The following NTRK3 variants were observed in gnomAD, a reference collection of about 807,000 sequenced individuals.
NTRK3 encodes the protein NT-3 growth factor receptor.
A neutral mutation model predicts 91.7 loss-of-function variants in NTRK3; 24 were observed. The observed-to-expected ratio is 0.26, with a 90% CI of 0.19 to 0.37. The LOEUF (loss-of-function observed/expected upper bound fraction) is 0.37. Among genes scored for constraint, NTRK3 ranks in the 10% least tolerant of loss-of-function variants. The pLI, the probability that NTRK3 is intolerant of heterozygous loss-of-function variation, is 1.00. For missense variants in NTRK3, 880 were observed against 1,068.9 expected (o/e 0.82, Z 2.46); for synonymous variants, 483 against 404.0 (o/e 1.20, Z -2.34).
intron 14 of NTRK3, among the ~76,000 whole-genome samples, chr15:88,011,607 T>C (rs566210786): frequency 2.6e-5 from 4 of 152,286 alleles, no homozygotes; most frequent in Admixed American, 1.3e-4. Context: ...GGTCTATCCC[T>C]GAAAAGAAGC....
intron 5 of NTRK3, among the ~76,000 whole-genome samples, chr15:88,168,556 CT>C (rs1454331846): frequency 6.6e-6 from 1 of 152,244 alleles, no homozygotes; most frequent in Non-Finnish European, 1.5e-5. Flanking sequence ...CACGGTTGCT[CT>C]TTGCAAACAC....
rs80075444 is a variant in NTRK3, at chr15:88,116,438, T to A, written c.1396+9833A>T. On this transcript the variant is annotated intron_variant, in intron 13 of 18. Transcript: ENST00000394480. Reference sequence around the variant, plus strand: ...CGTATCTACTAAAAGTACAAAAATTTAAAAAAAAAAAAATGGTGGTTATAG... The same window carrying A: ...CGTATCTACTAAAAGTACAAAAATTAAAAAAAAAAAAAATGGTGGTTATAG... 7.9e-3 allele frequency among the ~76,000 whole-genome samples: 964 copies of A among 121,456 alleles called. 6 individuals carry two copies. The highest frequency in any genetic ancestry group is 0.022 in the African/African-American group (779 of 35,142). 79.7% of individuals were successfully genotyped at this position (121,456 alleles called of 152,430 possible).
intron 17 of NTRK3, among the ~76,000 whole-genome samples, chr15:87,909,718 G>A (rs2066976004): frequency 6.6e-6 from 1 of 152,180 alleles, no homozygotes; most frequent in South Asian, 2.1e-4. Flanking sequence ...CCTTAAATGA[G>A]GTAACTAAGG....
chr15:87,914,342 G>C (rs968451705), intron 17 of NTRK3, among the ~76,000 whole-genome samples: 2 of 152,040 alleles, frequency 1.3e-5, no homozygotes, highest in Non-Finnish European at 2.9e-5. Context: ...CAGATGTCAG[G>C]GCCATTGGCA....
At chr15:88,204,612 C>G (rs1181022001) in intron 3 of NTRK3, among the ~76,000 whole-genome samples, 1 of 152,124 alleles carries the variant, frequency 6.6e-6, no homozygotes, top group Non-Finnish European at 1.5e-5. Context: ...TCAGAAAGGC[C>G]CTTTCCTTTG....
chr15:88,104,323 T>C (rs3784419), intron 13 of NTRK3, among the ~76,000 whole-genome samples: 4,339 of 152,294 alleles, frequency 0.028, 173 homozygotes, highest in East Asian at 0.11. Context: ...ATTTATCAGC[T>C]TCCTTTTGAA....
intron 14 of NTRK3, among the ~76,000 whole-genome samples, chr15:87,970,990 T>C (rs2073209771): frequency 6.6e-6 from 1 of 152,224 alleles, no homozygotes; most frequent in Admixed American, 6.5e-5. Flanking sequence ...ACAGTGGGGT[T>C]ATTCTGGTCT....
chr15:88,017,250 G>A (rs2077297057), intron 14 of NTRK3, among the ~76,000 whole-genome samples: 1 of 152,126 alleles, frequency 6.6e-6, no homozygotes, highest in Admixed American at 6.6e-5. Flanking sequence ...AGTTAACTTG[G>A]CATTCACCAA....
intron 6 of NTRK3, among the ~76,000 whole-genome samples, chr15:88,140,417 A>G (rs1433998413): frequency 6.6e-6 from 1 of 152,244 alleles, no homozygotes; most frequent in Non-Finnish European, 1.5e-5. Flanking sequence ...ACATGCACCC[A>G]GATGGGGCAT....
At chr15:87,932,046 G>A (rs1467369929) in intron 16 of NTRK3, among the ~76,000 whole-genome samples, 1 of 152,186 alleles carries the variant, frequency 6.6e-6, no homozygotes, top group African/African-American at 2.4e-5. Context: ...CCACATCTGG[G>A]CACTGTTTGG....
intron 3 of NTRK3, among the ~76,000 whole-genome samples, chr15:88,193,585 T>C (rs1227227396): frequency 1.3e-5 from 2 of 152,178 alleles, no homozygotes; most frequent in Non-Finnish European, 2.9e-5. Flanking sequence ...CAGGAGGCTG[T>C]GGTTCCAGTG....
At chr15:87,971,533 C>A (rs1019824361) in intron 14 of NTRK3, among the ~76,000 whole-genome samples, 13 of 152,232 alleles carry the variant, frequency 8.5e-5, no homozygotes, top group African/African-American at 3.1e-4. Flanking sequence ...CCTTCTGTCA[C>A]CCTTGCCTTG....
At chr15:88,036,615 G>A (rs575676460) in intron 13 of NTRK3, among the ~76,000 whole-genome samples, 2 of 152,314 alleles carry the variant, frequency 1.3e-5, no homozygotes, top group African/African-American at 4.8e-5. Flanking sequence ...GCAGGGCTGC[G>A]GGAAGGAGGT....
At chr15:88,225,004 T>C (rs1165119241) in intron 3 of NTRK3, among the ~76,000 whole-genome samples, 1 of 152,210 alleles carries the variant, frequency 6.6e-6, no homozygotes, top group Non-Finnish European at 1.5e-5. Context: ...CCTATAATGA[T>C]CTCCACTTTA....
At position 87,920,046 on chromosome 15, in the gene NTRK3, A is replaced by ATCTAAAAT. The variant is rs549679438; in HGVS notation, c.2133+9144_2133+9145insATTTTAGA. 2.1e-3 allele frequency among the ~76,000 whole-genome samples: 315 copies of ATCTAAAAT among 152,316 alleles called. 3 individuals are homozygous for ATCTAAAAT. The highest frequency in any genetic ancestry group is 2.4e-4 in the Non-Finnish European group (16 of 68,032). On this transcript the variant is annotated intron_variant, in intron 17 of 18. Coordinates refer to ENST00000394480, the Ensembl canonical transcript of NTRK3. Reference sequence around the variant, plus strand: ...AAGAGATCATATGGCTGGAATCCAAACTCCAGATTTTAGAGATGAAAGTGA... The same window carrying ATCTAAAAT: ...AAGAGATCATATGGCTGGAATCCAAATCTAAAATCTCCAGATTTTAGAGATGAAAGTGA...
intron 14 of NTRK3, chr15:87,981,479 A>C: frequency 7.2e-7 from 1 of 1,392,540 alleles, no homozygotes; most frequent in Non-Finnish European, 1.0e-6. Flanking sequence ...CAGGTTTCTC[A>C]GCTCCTGTAC....
intron 3 of NTRK3, among the ~76,000 whole-genome samples, chr15:88,206,752 G>A (rs1417704441): frequency 6.6e-6 from 1 of 151,934 alleles, no homozygotes; most frequent in Non-Finnish European, 1.5e-5. Flanking sequence ...CCAGGCGGGC[G>A]GGGCCGGGTC....
chr15:87,921,062 A>G (rs2067830096), intron 17 of NTRK3, among the ~76,000 whole-genome samples: 1 of 152,198 alleles, frequency 6.6e-6, no homozygotes, highest in South Asian at 2.1e-4. Context: ...TGAAGGATAT[A>G]TGGGAATTCT....
rs557974533 is a variant in NTRK3 at position 87,899,369 on chromosome 15, C to G, written c.2134-18941G>C. On this transcript the variant is annotated intron_variant, in intron 17 of 18. Transcript: ENST00000394480. The stretch of plus-strand genomic sequence containing the variant: ...CTATAATAAGCAAAAGGAGACCCAC[C>G]CCTCCTTTCTCCTTCCCCCACCCCC... 2.0e-5 allele frequency among the ~76,000 whole-genome samples: 3 copies of G among 152,060 alleles called. No individual in the cohort carries two copies. In the East Asian group the frequency reaches 5.8e-4, roughly 30 times the overall value.
Sources: allele counts gnomAD v4.1 joint callset (sites outside exome capture counted in the v4.1 genomes callset), GRCh38; gene constraint gnomAD v4.1.1; transcripts MANE v1.5; gene names NCBI Gene and HGNC (gene_info 2026-07-23, HGNC 2026-07-21).